Variants in LRRIQ1 observed in about 807,000 individuals in gnomAD.
The protein encoded by LRRIQ1 is leucine rich repeats and IQ motif containing 1, also known as leucine-rich repeat- and IQ domain-containing protein 1.
LRRIQ1 carries 210 observed loss-of-function variants against 211.9 expected under a neutral mutation model. The observed-to-expected ratio is 0.99, with a 90% confidence interval of 0.89 to 1.11. The LOEUF is 1.11. Among genes scored for constraint, LRRIQ1 ranks in the 50% most tolerant of loss-of-function variants. The pLI is 0.00. For missense variants in LRRIQ1, 2,136 were observed against 1,939.5 expected, an observed-to-expected ratio of 1.10 and a Z score of -1.90; for synonymous variants, 699 against 650.1, an observed-to-expected ratio of 1.08 and a Z score of -1.14.
intron 4 of LRRIQ1, among the ~76,000 whole-genome samples, chr12:85,045,027 G>A (rs898190920): frequency 6.6e-6 from 1 of 151,810 alleles, no homozygotes; most frequent in African/African-American, 2.4e-5. Flanking sequence ...GTGGTGGGTT[G>A]AGCCATTTAT....
At chr12:85,230,753 T>C (rs1221530725) in intron 25 of LRRIQ1, among the ~76,000 whole-genome samples, 1 of 152,140 alleles carries the variant, frequency 6.6e-6, no homozygotes, top group Non-Finnish European at 1.5e-5. Context: ...AGGCATTTAT[T>C]AAAAATGTAA....
At chr12:85,120,648 TC>T (rs1282611108) in intron 15 of LRRIQ1, among the ~76,000 whole-genome samples, 7 of 152,252 alleles carry the variant, frequency 4.6e-5, no homozygotes, top group African/African-American at 1.7e-4. Context: ...TATTGAGTCT[TC>T]CTATCCATGA....
intron 8 of LRRIQ1, among the ~76,000 whole-genome samples, chr12:85,061,725 A>G (rs1426780293): frequency 6.6e-6 from 1 of 151,782 alleles, no homozygotes; most frequent in Non-Finnish European, 1.5e-5. Context: ...CCAGTTTTCC[A>G]ATTACAGAAT....
chr12:85,212,229 T>G (rs1893869005), intron 24 of LRRIQ1, among the ~76,000 whole-genome samples: 1 of 151,850 alleles, frequency 6.6e-6, no homozygotes, highest in Non-Finnish European at 1.5e-5. Flanking sequence ...AGGCTGCAGA[T>G]GGTGCTGAGA....
At chr12:85,175,853 C>G (rs965562490) in intron 24 of LRRIQ1, among the ~76,000 whole-genome samples, 1 of 152,040 alleles carries the variant, frequency 6.6e-6, no homozygotes, top group Non-Finnish European at 1.5e-5. Context: ...CTGTTCTGTT[C>G]CATTGATCTA....
rs578103616 is a variant in LRRIQ1 at position 85,202,216 on chromosome 12, G to T, written c.4823-27301G>T. Among the ~76,000 whole-genome samples, 10 of 152,154 alleles carry T rather than the reference G, an allele frequency of 6.6e-5. No individual in the cohort carries two copies. In the South Asian group the frequency reaches 2.1e-3, roughly 32 times the overall value. ...GATTTTTTTTACATCTGTTTGTGTG[G>T]TCAGTTTTAGAGTATGTGCCATAAG... On this transcript the variant is annotated intron_variant, in intron 24 of 26. Transcript: ENST00000393217.
downstream of LRRIQ1, among the ~76,000 whole-genome samples, chr12:85,265,743 T>C (rs1284649745): frequency 6.6e-5 from 10 of 152,048 alleles, no homozygotes; most frequent in African/African-American, 2.4e-4. Context: ...AATAATGTTA[T>C]ATTAATTAAA....
intron 19 of LRRIQ1, among the ~76,000 whole-genome samples, chr12:85,145,748 T>C (rs1323383657): frequency 6.6e-6 from 1 of 151,692 alleles, no homozygotes; most frequent in Non-Finnish European, 1.5e-5. Flanking sequence ...TTGTTATCTT[T>C]ATTACACCAG....
intron 9 of LRRIQ1, among the ~76,000 whole-genome samples, chr12:85,065,676 ATTAC>A (rs1592727143): frequency 6.6e-6 from 1 of 151,946 alleles, no homozygotes; most frequent in East Asian, 1.9e-4. Flanking sequence ...AAATGATTAT[ATTAC>A]TTAGTAGTTT....
At chr12:85,137,767 A>G (rs1889235027) in intron 18 of LRRIQ1, 83 bp from the exon 19 acceptor site, 1 of 1,179,320 alleles carries the variant, frequency 8.5e-7, no homozygotes, top group South Asian at 2.2e-5. Context: ...AAGATGTTTT[A>G]TCTTCCTAAT....
intron 1 of LRRIQ1, among the ~76,000 whole-genome samples, chr12:85,252,365 T>C (rs1490188277): frequency 6.6e-6 from 1 of 151,892 alleles, no homozygotes; most frequent in Non-Finnish European, 1.5e-5. Context: ...GCTTACTTTT[T>C]AGGAAAATGT....
At chr12:85,132,880 A>G (rs996376306) in intron 18 of LRRIQ1, among the ~76,000 whole-genome samples, 2 of 152,150 alleles carry the variant, frequency 1.3e-5, no homozygotes, top group African/African-American at 2.4e-5. Flanking sequence ...GCTTGCATGC[A>G]CTAGTCATCC....
At chr12:85,096,723 T>C (rs1336748370) in intron 11 of LRRIQ1, among the ~76,000 whole-genome samples, 1 of 152,188 alleles carries the variant, frequency 6.6e-6, no homozygotes, top group Non-Finnish European at 1.5e-5. Context: ...GTTGGTTTTC[T>C]GCTTAAGTGA....
At position 85,044,811 on chromosome 12, in the gene LRRIQ1, T is replaced by C. The variant is rs770644821; in HGVS notation, c.336+2T>C. The C allele has an allele frequency of 1.5e-6, 2 of 1,333,902 alleles. No individual in the cohort carries two copies. Among genetic ancestry groups the C allele is most frequent in the Non-Finnish European group, 2.1e-6 (2 of 942,336 alleles). The allele number at this position is 1,333,902 out of a possible 1,614,324, so 82.6% of individuals were successfully genotyped here. A position where few individuals can be genotyped will look rare whatever the true frequency, so the allele number is the denominator to read the frequency against. On this transcript the variant is annotated splice_donor_variant, in intron 4 of 26. Transcript: ENST00000393217. LOFTEE classifies it high-confidence loss of function. ...GAAAGTTCAGAGCAATTAATTAAGG[T>C]ATATATTCAATATTTGACTTAAAAT...
intron 15 of LRRIQ1, among the ~76,000 whole-genome samples, chr12:85,112,035 C>A (rs1313956324): frequency 1.3e-5 from 2 of 151,860 alleles, no homozygotes; most frequent in African/African-American, 4.8e-5. Context: ...AATTAGCATA[C>A]ATTAGATACG....
At chr12:85,217,686 A>ATGTGTATATATGTATATATGTG (rs1894207659) in intron 24 of LRRIQ1, among the ~76,000 whole-genome samples, 1 of 119,558 alleles carries the variant, frequency 8.4e-6, no homozygotes, top group African/African-American at 5.6e-5. Flanking sequence ...ATATGTATAT[A>ATGTGTATATATGTATATATGTG]TGTGTATATA....
At chr12:85,196,274 G>A (rs1303058864) in intron 24 of LRRIQ1, among the ~76,000 whole-genome samples, 4 of 151,982 alleles carry the variant, frequency 2.6e-5, no homozygotes, top group African/African-American at 9.7e-5. Flanking sequence ...TAGATTCAAT[G>A]CCATCCCCAT....
intron 24 of LRRIQ1, among the ~76,000 whole-genome samples, chr12:85,217,724 A>ATGTG (rs1565910279): frequency 1.8e-5 from 2 of 111,584 alleles, no homozygotes; most frequent in African/African-American, 1.8e-4. Context: ...ATATATGTAT[A>ATGTG]TATGTGTATA....
At chr12:85,083,596 C>T (rs532382127) in intron 11 of LRRIQ1, among the ~76,000 whole-genome samples, 81 of 152,106 alleles carry the variant, frequency 5.3e-4, no homozygotes, top group Non-Finnish European at 5.4e-4. Context: ...TGTGTCACCA[C>T]GCCCAGCTAA....
Sources: allele counts gnomAD v4.1 joint callset (sites outside exome capture counted in the v4.1 genomes callset), GRCh38; gene constraint gnomAD v4.1.1; transcripts MANE v1.5; gene names NCBI Gene and HGNC (gene_info 2026-07-23, HGNC 2026-07-21).